Variants in FNTA observed in about 807,000 individuals in gnomAD.
FNTA encodes protein farnesyltransferase/geranylgeranyltransferase type-1 subunit alpha.
FNTA carries 27 observed loss-of-function variants against 55.2 expected under a neutral mutation model. That is an observed-to-expected ratio of 0.49 (90% CI 0.36 to 0.67). FNTA has a LOEUF of 0.67. Among genes scored for constraint, FNTA ranks in the 30% least tolerant of loss-of-function variants. The pLI is 0.00. For synonymous variants in FNTA, 176 were observed against 170.7 expected (o/e 1.03, Z -0.24); for missense variants, 422 against 464.7 (o/e 0.91, Z 0.85).
At chr8:43,069,355 T>C (rs945641649) in intron 3 of FNTA, among the ~76,000 whole-genome samples, 200 bp from the exon 4 acceptor site, 7 of 151,430 alleles carry the variant, frequency 4.6e-5, no homozygotes, top group African/African-American at 1.7e-4. Context: ...CTTGACCTCA[T>C]GTGACCTGCA....
chr8:43,077,496 C>T (rs1010965138), intron 6 of FNTA, 132 bp downstream of exon 6: 2 of 517,672 alleles, frequency 3.9e-6, no homozygotes, highest in African/African-American at 3.9e-5. Context: ...CTGAGTGGAA[C>T]ATAGGATGAT....
At chr8:43,084,572 T>C in intron 7 of FNTA, 138 bp from the exon 8 acceptor site, 1 of 650,424 alleles carries the variant, frequency 1.5e-6, no homozygotes, top group Non-Finnish European at 2.6e-6. Flanking sequence ...AAAAGTTTCA[T>C]TATAGTTTCA....
chr8:43,056,390 A>T lies in FNTA; in HGVS notation c.44A>T (p.Glu15Val). 7 of 1,493,616 alleles carry T rather than the reference A, an allele frequency of 4.7e-6. No individual in the cohort carries two copies. Among genetic ancestry groups the T allele is most frequent in the Non-Finnish European group, 6.2e-6 (7 of 1,124,620 alleles). The allele number at this position is 1,493,616 out of a possible 1,614,324, so 92.5% of individuals were successfully genotyped here. Residue 15 changes from glutamate (E) to valine (V), a missense_variant, in exon 1 of 9, where the codon GAG becomes GTG. Glu to Val is a moderately radical substitution (Grantham distance 121, BLOSUM62 -2). This residue lies in a region of FNTA where 160 missense variants were observed against 121.6 expected (regional missense o/e 1.32). Transcript: ENST00000302279. ...EGVGEAAQGG[E>V]PGQPAQPPPQ... ...GTCGGGGAGGCTGCGCAAGGGGGCG[A>T]GCCCGGGCAGCCGGCGCAACCCCCG...
chr8:43,077,137 G>T, intron 5 of FNTA, 79 bp from the exon 6 acceptor site: 1 of 1,010,708 alleles, frequency 9.9e-7, no homozygotes, highest in Admixed American at 2.7e-5. Flanking sequence ...TACCTTCTTT[G>T]TTGTAGTTTT....
At position 43,077,208 on chromosome 8, in the gene FNTA, T is replaced by G; in HGVS notation, c.634-8T>G. 6.4e-7 allele frequency: 1 copy of G among 1,559,664 alleles called. No homozygotes were observed. The highest frequency in any genetic ancestry group is 8.7e-7 in the Non-Finnish European group (1 of 1,151,308). The stretch of plus-strand genomic sequence containing the variant: ...TAATTGGATGATTTTTCTAAATTTT[T>G]CCTTTAGGAATTTAAACTTTGGGAT... On this transcript the variant is annotated splice_region_variant and splice_polypyrimidine_tract_variant and intron_variant, in intron 5 of 8. Coordinates refer to ENST00000302279, the MANE Select transcript of FNTA (RefSeq NM_002027.3).
At chr8:43,063,362 A>T in intron 2 of FNTA, 1 of 454,614 alleles carries the variant, frequency 2.2e-6, no homozygotes, top group South Asian at 1.6e-5. Flanking sequence ...TTGTAATCCA[A>T]TGCTCCCAAT....
At chr8:43,074,011 T>C (rs1810853533) in intron 5 of FNTA, among the ~76,000 whole-genome samples, 1 of 152,168 alleles carries the variant, frequency 6.6e-6, no homozygotes. Flanking sequence ...TTTCATGACA[T>C]ATATATTAAA....
At chr8:43,070,282 T>C in intron 4 of FNTA, 1 of 151,782 alleles carries the variant, frequency 6.6e-6, no homozygotes, top group Non-Finnish European at 1.5e-5. Context: ...CACTCCAGCC[T>C]GGGGGACCGA....
chr8:43,067,986 G>A (rs756686802), intron 3 of FNTA, among the ~76,000 whole-genome samples: 5 of 152,264 alleles, frequency 3.3e-5, no homozygotes, highest in African/African-American at 7.2e-5. Flanking sequence ...TACAACTTCC[G>A]ACTCCCGGCT....
At chr8:43,068,163 TG>T (rs1439603056) in intron 3 of FNTA, among the ~76,000 whole-genome samples, 2 of 152,166 alleles carry the variant, frequency 1.3e-5, no homozygotes, top group Non-Finnish European at 2.9e-5. Context: ...CCCAAAGTGC[TG>T]GGATTACAGG....
chr8:43,071,582 G>T (rs1232566606), intron 4 of FNTA, among the ~76,000 whole-genome samples: 2 of 151,566 alleles, frequency 1.3e-5, no homozygotes, highest in African/African-American at 4.8e-5. Flanking sequence ...TGAGGCACGA[G>T]AATTGCTTGA....
At chr8:43,082,610 G>A (rs954228824) in intron 6 of FNTA, 2 of 151,780 alleles carry the variant, frequency 1.3e-5, no homozygotes, top group African/African-American at 4.8e-5. Flanking sequence ...GATTAGTTTT[G>A]TGTCCTTCCC....
In FNTA at chr8:43,059,322, TATGTG is replaced by T. The variant is rs1810481324; in HGVS notation, c.286+146_286+150del. 3.8e-5 allele frequency: 23 copies of T among 600,758 alleles called. 1 individual carries two copies. In the South Asian group the frequency reaches 5.0e-4, roughly 13 times the overall value. The allele number at this position is 600,758 out of a possible 1,614,324, so 37.2% of individuals were successfully genotyped here. A position where few individuals can be genotyped will look rare whatever the true frequency, so the allele number is the denominator to read the frequency against. The stretch of plus-strand genomic sequence containing the variant: ...AGATGAGTTAATTTTGTGTTTTTTT[TATGTG>T]TGTGTGTGATTTAGCTTTATGATTA... On this transcript the variant is annotated intron_variant, in intron 2 of 8. Transcript: ENST00000302279.
intron 1 of FNTA, 83 bp downstream of exon 1, chr8:43,056,629 C>T (rs905686780): frequency 5.6e-5 from 54 of 958,502 alleles, no homozygotes; most frequent in Non-Finnish European, 6.5e-5. Flanking sequence ...GCTTCCGGCC[C>T]CGGCGCGCCA....
chr8:43,069,730 T>C, intron 4 of FNTA, 71 bp downstream of exon 4: 2 of 888,792 alleles, frequency 2.3e-6, no homozygotes, highest in Non-Finnish European at 3.7e-6. Flanking sequence ...CTGCAGCCTC[T>C]GCCTCCTGGG....
At chr8:43,068,025 G>A (rs1810701172) in intron 3 of FNTA, among the ~76,000 whole-genome samples, 2 of 151,996 alleles carry the variant, frequency 1.3e-5, no homozygotes, top group African/African-American at 2.4e-5. Flanking sequence ...TCAGTCTCCC[G>A]AGTAGCTGGG....
chr8:43,060,640 A>G (rs1254237791), intron 2 of FNTA, among the ~76,000 whole-genome samples: 1 of 151,098 alleles, frequency 6.6e-6, no homozygotes, highest in Non-Finnish European at 1.5e-5. Flanking sequence ...ACGCCATTGC[A>G]CTGTAGTCTG....
At chr8:43,068,444 A>AT (rs1810710739) in intron 3 of FNTA, among the ~76,000 whole-genome samples, 1 of 152,244 alleles carries the variant, frequency 6.6e-6, no homozygotes, top group South Asian at 2.1e-4. Context: ...CTATGGGGAA[A>AT]TTAAAGACAA....
chr8:43,065,110 A>G (rs530953710), intron 3 of FNTA, among the ~76,000 whole-genome samples: 82 of 152,224 alleles, frequency 5.4e-4, no homozygotes, highest in African/African-American at 1.6e-3. Context: ...CTGGGATTAC[A>G]GGCGTGAACC....
Sources: allele counts gnomAD v4.1 joint callset (sites outside exome capture counted in the v4.1 genomes callset), GRCh38; gene constraint gnomAD v4.1.1; regional missense constraint gnomAD v4.1.1; transcripts MANE v1.5; gene names NCBI Gene and HGNC (gene_info 2026-07-23, HGNC 2026-07-21).